The following ITPR2 variants were observed in gnomAD, a reference collection of about 807,000 sequenced individuals.
ITPR2 encodes the protein inositol 1,4,5-trisphosphate receptor type 2.
A neutral mutation model predicts 317.1 loss-of-function variants in ITPR2; 207 were observed. The ratio of observed to expected loss-of-function variants is 0.65; its 90% CI spans 0.58 to 0.73. The LOEUF (loss-of-function observed/expected upper bound fraction) is 0.73. Among genes scored for constraint, ITPR2 ranks in the 30% least tolerant of loss-of-function variants. The pLI is 0.00. For synonymous variants in ITPR2, 1,156 were observed against 1,149.1 expected (o/e 1.01, Z -0.12); for missense variants, 2,613 against 3,284.0 (o/e 0.80, Z 4.99).
chr12:26,663,902 T>C, intron 14 of ITPR2, 56 bp from the exon 15 acceptor site: 1 of 1,440,322 alleles, frequency 6.9e-7, no homozygotes, highest in Non-Finnish European at 9.4e-7. Flanking sequence ...TTGCAACCTT[T>C]TTTTTTTAAC....
Position 26,338,041 on chromosome 12 carries a change from C to T in ITPR2, c.*1356G>A, listed in dbSNP as rs1201495856. On this transcript the variant is annotated 3_prime_UTR_variant, in exon 57 of 57. Transcript: ENST00000381340. Reference sequence around the variant, plus strand: ...GCGTTGATAACTGAGAATTTAAAGACTCTGGAGGCAGTGTTTTGTTCCTGT... The same window carrying T: ...GCGTTGATAACTGAGAATTTAAAGATTCTGGAGGCAGTGTTTTGTTCCTGT... 2 of 152,246 alleles carry T rather than the reference C, an allele frequency of 1.3e-5. No individual in the cohort carries two copies. The highest frequency in any genetic ancestry group is 4.8e-5 in the African/African-American group (2 of 41,458). 9.4% of individuals were successfully genotyped at this position (152,246 alleles called of 1,614,324 possible).
At chr12:26,446,355 T>C (rs909243304) in intron 45 of ITPR2, among the ~76,000 whole-genome samples, 14 of 152,078 alleles carry the variant, frequency 9.2e-5, no homozygotes, top group African/African-American at 3.1e-4. Context: ...CGTAGTTTTG[T>C]TGGGTAAGGT....
intron 21 of ITPR2, among the ~76,000 whole-genome samples, chr12:26,640,184 G>A (rs1053165001): frequency 6.6e-6 from 1 of 152,086 alleles, no homozygotes; most frequent in Non-Finnish European, 1.5e-5. Flanking sequence ...GTAGTAGACA[G>A]CTTAGAACAA....
At chr12:26,644,459 C>G (rs1947064993) in intron 21 of ITPR2, among the ~76,000 whole-genome samples, 1 of 152,166 alleles carries the variant, frequency 6.6e-6, no homozygotes, top group South Asian at 2.1e-4. Context: ...TCTCACACTG[C>G]TAATAAAGAC....
intron 37 of ITPR2, among the ~76,000 whole-genome samples, chr12:26,532,800 C>T (rs1943980675): frequency 6.6e-6 from 1 of 152,182 alleles, no homozygotes; most frequent in South Asian, 2.1e-4. Context: ...GATTCTCTAT[C>T]TCAGCCCCCT....
At chr12:26,748,682 C>T (rs555562504) in intron 2 of ITPR2, among the ~76,000 whole-genome samples, 2 of 152,246 alleles carry the variant, frequency 1.3e-5, no homozygotes, top group South Asian at 4.1e-4. Flanking sequence ...GATGGTTATC[C>T]TTGATACTTG....
intron 35 of ITPR2, among the ~76,000 whole-genome samples, chr12:26,557,675 G>A (rs1229897750): frequency 6.6e-6 from 1 of 152,154 alleles, no homozygotes; most frequent in Non-Finnish European, 1.5e-5. Context: ...ACAGCTCCAG[G>A]TTTCTTGCTA....
intron 45 of ITPR2, among the ~76,000 whole-genome samples, chr12:26,444,329 C>T (rs547110892): frequency 1.1e-4 from 17 of 152,220 alleles, no homozygotes; most frequent in African/African-American, 3.1e-4. Context: ...ATGTTGCCTT[C>T]AGATGTCTCT....
intron 48 of ITPR2, among the ~76,000 whole-genome samples, chr12:26,432,523 G>A (rs952720057): frequency 1.3e-5 from 2 of 151,158 alleles, no homozygotes; most frequent in African/African-American, 2.5e-5. Flanking sequence ...GTATACTGTG[G>A]GGACAGAATT....
intron 37 of ITPR2, among the ~76,000 whole-genome samples, chr12:26,509,994 GTGTGTGT>G (rs1943290922): frequency 2.3e-5 from 3 of 128,220 alleles, no homozygotes; most frequent in Admixed American, 1.6e-4. Flanking sequence ...GTGTGTGTGT[GTGTGTGT>G]GTGGTGGGGG....
At chr12:26,565,958 A>G (rs1356725324) in intron 34 of ITPR2, among the ~76,000 whole-genome samples, 29 of 9,530 alleles carry the variant, frequency 3.0e-3, no homozygotes, top group Admixed American at 6.9e-3. Context: ...AGAGGGGAGG[A>G]GAGGAGAGGG....
intron 1 of ITPR2, among the ~76,000 whole-genome samples, chr12:26,802,631 A>T (rs902679295): frequency 6.7e-6 from 1 of 148,976 alleles, no homozygotes. Flanking sequence ...ATAGATATAG[A>T]TATACAGATA....
intron 48 of ITPR2, among the ~76,000 whole-genome samples, chr12:26,434,724 T>C (rs1941308497): frequency 6.6e-6 from 1 of 152,218 alleles, no homozygotes; most frequent in South Asian, 2.1e-4. Context: ...CTTCCATCTG[T>C]TCATCTGTCA....
At chr12:26,340,654 A>G (rs1371684008) in intron 55 of ITPR2, among the ~76,000 whole-genome samples, 1 of 152,184 alleles carries the variant, frequency 6.6e-6, no homozygotes, top group Non-Finnish European at 1.5e-5. Flanking sequence ...AGCAGATCCA[A>G]GTGTGTGTGG....
At chr12:26,400,841 C>G (rs531640413) in intron 52 of ITPR2, 1 of 152,418 alleles carries the variant, frequency 6.6e-6, no homozygotes, top group South Asian at 2.1e-4. Flanking sequence ...CGTTCCCACA[C>G]TGGGACTCAG....
chr12:26,613,589 C>A (rs1458262928), intron 26 of ITPR2, among the ~76,000 whole-genome samples: 4 of 147,878 alleles, frequency 2.7e-5, no homozygotes, highest in Non-Finnish European at 6.0e-5. Context: ...CACACACACA[C>A]GGCAAAAAGG....
At chr12:26,528,491 G>A (rs1456275829) in intron 37 of ITPR2, among the ~76,000 whole-genome samples, 1 of 152,184 alleles carries the variant, frequency 6.6e-6, no homozygotes, top group South Asian at 2.1e-4. Context: ...CCTGAAGGAA[G>A]AAGTTGTACT....
At chr12:26,684,605 T>A (rs1484005648) in intron 11 of ITPR2, among the ~76,000 whole-genome samples, 13 of 152,228 alleles carry the variant, frequency 8.5e-5, no homozygotes, top group Admixed American at 5.2e-4. Flanking sequence ...ATACAATTAA[T>A]GACAGATGAA....
At chr12:26,402,157 C>T (rs747922093) in intron 52 of ITPR2, among the ~76,000 whole-genome samples, 4 of 152,166 alleles carry the variant, frequency 2.6e-5, no homozygotes, top group African/African-American at 9.7e-5. Context: ...TCCCCCCATA[C>T]ATGGCAGTAG....
Sources: gnomAD v4.1 joint callset for allele counts (sites outside exome capture counted in the v4.1 genomes callset) on GRCh38, gnomAD v4.1.1 for gene constraint, MANE v1.5 for transcripts, NCBI Gene and HGNC (gene_info 2026-07-23, HGNC 2026-07-21) for gene names.